GRIA2: variants seen among roughly 807,000 people sequenced by gnomAD.
GRIA2 encodes the protein glutamate ionotropic receptor AMPA type subunit 2.
A neutral mutation model predicts 97.3 loss-of-function variants in GRIA2; 14 were observed. That is an observed-to-expected ratio of 0.14 (90% CI 0.10 to 0.23). The LOEUF is 0.23. Ranked by LOEUF, GRIA2 falls within the 10% of genes least tolerant of loss-of-function variation. The pLI is 1.00. For synonymous variants in GRIA2, 412 were observed against 387.8 expected (o/e 1.06, Z -0.73); for missense variants, 558 against 1,069.8 (o/e 0.52, Z 6.67).
intron 2 of GRIA2, among the ~76,000 whole-genome samples, chr4:157,269,162 G>A (rs1373624477): frequency 1.3e-5 from 2 of 151,892 alleles, no homozygotes; most frequent in Non-Finnish European, 2.9e-5. Context: ...TAACTCTCAT[G>A]CTATTTGATG....
chr4:157,287,067 G>C (rs998350473), intron 2 of GRIA2, among the ~76,000 whole-genome samples: 1 of 151,488 alleles, frequency 6.6e-6, no homozygotes, highest in African/African-American at 2.4e-5. Flanking sequence ...ACTCCAATCT[G>C]TTGTCTGGTG....
At chr4:157,295,472 G>C (rs1431062090) in intron 2 of GRIA2, among the ~76,000 whole-genome samples, 8 of 152,062 alleles carry the variant, frequency 5.3e-5, no homozygotes, top group Admixed American at 1.3e-4. Context: ...GAATCACTTG[G>C]TGTTTCATTC....
chr4:157,358,217 G>T (rs1736477976), intron 12 of GRIA2, among the ~76,000 whole-genome samples: 1 of 152,098 alleles, frequency 6.6e-6, no homozygotes, highest in Admixed American at 6.6e-5. Flanking sequence ...GACTATAGGA[G>T]AAAACACAAA....
chr4:157,274,355 ATTTCTTT>A, intron 2 of GRIA2, among the ~76,000 whole-genome samples: 1 of 151,788 alleles, frequency 6.6e-6, no homozygotes, highest in South Asian at 2.1e-4. Flanking sequence ...GATACCTTTT[ATTTCTTT>A]TTTCTTTTTT....
intron 2 of GRIA2, among the ~76,000 whole-genome samples, chr4:157,298,546 T>C (rs1025346505): frequency 6.6e-6 from 1 of 151,122 alleles, no homozygotes; most frequent in Non-Finnish European, 1.5e-5. Context: ...GTTGGAAATA[T>C]ATGGTTTTAG....
chr4:157,222,142 C>T (rs1182130255), intron 2 of GRIA2, among the ~76,000 whole-genome samples: 1 of 152,108 alleles, frequency 6.6e-6, no homozygotes, highest in African/African-American at 2.4e-5. Flanking sequence ...AGCCCTCCCA[C>T]CTCGCTCCCC....
chr4:157,339,387 A>G (rs570299060), intron 11 of GRIA2, among the ~76,000 whole-genome samples: 247 of 152,102 alleles, frequency 1.6e-3, no homozygotes, highest in African/African-American at 5.8e-3. Flanking sequence ...ATAAAATAAT[A>G]TTGAATTTCC....
At chr4:157,295,091 T>A (rs1733283333) in intron 2 of GRIA2, among the ~76,000 whole-genome samples, 1 of 152,108 alleles carries the variant, frequency 6.6e-6, no homozygotes, top group Admixed American at 6.6e-5. Context: ...TACAATTGCC[T>A]GCTATCCCAG....
At chr4:157,312,356 C>T (rs1560760401) in intron 3 of GRIA2, among the ~76,000 whole-genome samples, 2 of 152,018 alleles carry the variant, frequency 1.3e-5, no homozygotes, top group South Asian at 2.1e-4. Flanking sequence ...TTTCATTTCA[C>T]TTAAACCAAA....
At position 157,340,169 on chromosome 4, in the gene GRIA2, C is replaced by T. The variant is rs535531698; in HGVS notation, c.1845-1095C>T. Among the ~76,000 whole-genome samples, 215 of 151,906 alleles carry T rather than the reference C, an allele frequency of 1.4e-3. 1 individual carries two copies. Among genetic ancestry groups the T allele is most frequent in the African/African-American group, 5.0e-3 (207 of 41,520 alleles). ...GTTTCATCAAAAGATTTATTTCTTA[C>T]TGTTAATTGTCAGAAACTTTAGATC... On this transcript the variant is annotated intron_variant, in intron 11 of 15. Transcript: ENST00000264426.
chr4:157,228,416 G>C (rs906129713), intron 2 of GRIA2, among the ~76,000 whole-genome samples: 1 of 152,122 alleles, frequency 6.6e-6, no homozygotes, highest in East Asian at 1.9e-4. Flanking sequence ...CTATATTGAT[G>C]TATGTTAAAA....
At chr4:157,331,362 G>A (rs1470949522) in intron 6 of GRIA2, among the ~76,000 whole-genome samples, 1 of 151,806 alleles carries the variant, frequency 6.6e-6, no homozygotes, top group Non-Finnish European at 1.5e-5. Context: ...CCTTAGTAAT[G>A]TGAGCAAGCT....
chr4:157,221,599 G>T, intron 1 of GRIA2, 68 bp from the exon 2 acceptor site: 2 of 1,531,724 alleles, frequency 1.3e-6, no homozygotes, highest in South Asian at 1.2e-5. Flanking sequence ...TTGGGCGCTA[G>T]CGCGCGCCCC....
At chr4:157,350,374 G>A (rs1375259136) in intron 12 of GRIA2, among the ~76,000 whole-genome samples, 2 of 151,760 alleles carry the variant, frequency 1.3e-5, no homozygotes, top group African/African-American at 4.8e-5. Flanking sequence ...CTAGATCTGG[G>A]GTCTGATTTG....
chr4:157,264,664 T>C (rs1395310708), intron 2 of GRIA2, among the ~76,000 whole-genome samples: 1 of 151,994 alleles, frequency 6.6e-6, no homozygotes, highest in African/African-American at 2.4e-5. Context: ...CACAGATGAT[T>C]GTAACATAAT....
intron 2 of GRIA2, among the ~76,000 whole-genome samples, chr4:157,256,870 G>A (rs1731299922): frequency 6.6e-6 from 1 of 151,942 alleles, no homozygotes; most frequent in Admixed American, 6.6e-5. Flanking sequence ...ATTTTGTAAT[G>A]GGGAGAGCCA....
At chr4:157,266,534 G>T (rs1313313433) in intron 2 of GRIA2, among the ~76,000 whole-genome samples, 3 of 152,040 alleles carry the variant, frequency 2.0e-5, no homozygotes, top group African/African-American at 7.2e-5. Flanking sequence ...CAGTTTGTTA[G>T]CTAGAGAAAC....
chr4:157,362,966 T>C lies in GRIA2; in HGVS notation c.2574T>C (p.Ser858=). 6.2e-7 allele frequency: 1 copy of C among 1,613,526 alleles called. No homozygotes were observed. The highest frequency in any genetic ancestry group is 2.2e-5 in the East Asian group (1 of 44,844). Reference sequence around the variant, plus strand: ...AGAATGCACAGAATATTAACCCATCTTCCTCGCAGAATTCACAGAATTTTG... The same window carrying C: ...AGAATGCACAGAATATTAACCCATCCTCCTCGCAGAATTCACAGAATTTTG... ...VAKNAQNINP[S]SSQNSQNFAT... The change falls in exon 15 of 16, where the codon TCT becomes TCC. Residue 858 remains serine (S), a synonymous_variant. Transcript: ENST00000264426.
At chr4:157,221,473 A>G in intron 1 of GRIA2, 194 bp from the exon 2 acceptor site, 1 of 606,322 alleles carries the variant, frequency 1.6e-6, no homozygotes, top group East Asian at 2.8e-5. Flanking sequence ...CCTCGCCTTC[A>G]GACTCTCATC....
Sources: gnomAD v4.1 joint callset for allele counts (sites outside exome capture counted in the v4.1 genomes callset) on GRCh38, gnomAD v4.1.1 for gene constraint, MANE v1.5 for transcripts, NCBI Gene and HGNC (gene_info 2026-07-23, HGNC 2026-07-21) for gene names.